Variants in ZNF385D observed in about 807,000 individuals in gnomAD.
ZNF385D encodes zinc finger protein 659.
A neutral mutation model predicts 35.8 loss-of-function variants in ZNF385D; 15 were observed. That is an observed-to-expected ratio of 0.42 (90% CI 0.28 to 0.64). ZNF385D has a LOEUF of 0.64. Among genes scored for constraint, ZNF385D ranks in the 30% least tolerant of loss-of-function variants. ZNF385D has a pLI of 0.23. For missense variants in ZNF385D, 474 were observed against 494.6 expected (o/e 0.96, Z 0.39); for synonymous variants, 212 against 186.8 (o/e 1.13, Z -1.10).
chr3:22,328,050 G>T (rs559336493), intron 2 of ZNF385D, among the ~76,000 whole-genome samples: 7 of 152,062 alleles, frequency 4.6e-5, no homozygotes, highest in Non-Finnish European at 1.0e-4. Context: ...CATTACCTAA[G>T]TCTTTTACAT....
chr3:21,943,632 A>G (rs1248581649), intron 3 of ZNF385D, among the ~76,000 whole-genome samples: 3 of 152,150 alleles, frequency 2.0e-5, no homozygotes, highest in Non-Finnish European at 4.4e-5. Flanking sequence ...TCTTTTATGT[A>G]CATAATGAAT....
At chr3:21,929,985 T>G (rs12631100) in intron 3 of ZNF385D, among the ~76,000 whole-genome samples, 15 of 151,966 alleles carry the variant, frequency 9.9e-5, no homozygotes, top group South Asian at 2.1e-4. Context: ...GGACCCAGAA[T>G]AGACAAAACA....
intron 3 of ZNF385D, chr3:21,956,992 G>C (rs111562898): frequency 3.3e-5 from 5 of 152,168 alleles, no homozygotes; most frequent in African/African-American, 1.2e-4. Flanking sequence ...GAGGGACCTG[G>C]GGGGTGTGGG....
At chr3:21,780,166 C>G (rs552910351) in intron 3 of ZNF385D, among the ~76,000 whole-genome samples, 48 of 151,972 alleles carry the variant, frequency 3.2e-4, no homozygotes, top group Non-Finnish European at 6.2e-4. Flanking sequence ...TCAACAAACC[C>G]TTACATAACA....
intron 4 of ZNF385D, among the ~76,000 whole-genome samples, chr3:21,458,187 GA>G (rs1439688221): frequency 6.6e-6 from 1 of 151,944 alleles, no homozygotes; most frequent in African/African-American, 2.4e-5. Flanking sequence ...AACAGATGAA[GA>G]GGGGCTGGGC....
intron 3 of ZNF385D, among the ~76,000 whole-genome samples, chr3:21,832,005 T>G (rs1695020619): frequency 6.6e-6 from 1 of 152,224 alleles, no homozygotes; most frequent in African/African-American, 2.4e-5. Context: ...TTTAATTAGC[T>G]TGCATACCAC....
Position 21,875,410 on chromosome 3 carries a change from T to C in ZNF385D, c.326-210382A>G, listed in dbSNP as rs539940999. 3.2e-3 allele frequency among the ~76,000 whole-genome samples: 485 copies of C among 152,178 alleles called. 3 individuals are homozygous for C. The highest frequency in any genetic ancestry group is 4.5e-3 in the Non-Finnish European group (303 of 67,990). ...CACCCATTTGCTTTGGATCCCACTTTAGTCACCCTTTTATCCTCATATCTT... is the reference window on the plus strand; with the variant it reads ...CACCCATTTGCTTTGGATCCCACTTCAGTCACCCTTTTATCCTCATATCTT... On this transcript the variant is annotated intron_variant, in intron 3 of 5. Transcript: ENST00000494108.
In ZNF385D at chr3:21,901,094, G is replaced by A. The variant is rs114925191; in HGVS notation, c.326-236066C>T. Among the ~76,000 whole-genome samples the A allele has an allele frequency of 3.7e-3, 568 of 152,272 alleles. 5 individuals carry two copies. The highest frequency in any genetic ancestry group is 0.013 in the African/African-American group (526 of 41,550). On this transcript the variant is annotated intron_variant, in intron 3 of 5. Coordinates refer to the ZNF385D transcript ENST00000494108. ...ACATTTATTGAGTAGCAAGTGCTGC[G>A]CTAAGCAAATTGGCTGCATTATTTT...
chr3:22,003,145 G>A (rs1695956576), intron 3 of ZNF385D, among the ~76,000 whole-genome samples: 1 of 152,154 alleles, frequency 6.6e-6, no homozygotes, highest in African/African-American at 2.4e-5. Flanking sequence ...CTTCTTCGCA[G>A]ATGACATAAT....
chr3:21,748,953 C>T (rs547848880), intron 1 of ZNF385D, among the ~76,000 whole-genome samples: 1 of 152,080 alleles, frequency 6.6e-6, no homozygotes, highest in Non-Finnish European at 1.5e-5. Context: ...GGTGGGCTCC[C>T]AAAGTTGTGG....
intron 2 of ZNF385D, among the ~76,000 whole-genome samples, chr3:22,272,892 G>T (rs539142779): frequency 3.3e-5 from 5 of 151,958 alleles, no homozygotes; most frequent in African/African-American, 1.2e-4. Context: ...TTACTTGTGG[G>T]TTACCTCGGG....
chr3:22,167,003 A>G (rs1370360662), intron 3 of ZNF385D, among the ~76,000 whole-genome samples: 1 of 152,238 alleles, frequency 6.6e-6, no homozygotes, highest in African/African-American at 2.4e-5. Context: ...AGACTGAAAT[A>G]TACATTTTAA....
At chr3:21,806,192 T>C (rs2072636937) in intron 3 of ZNF385D, among the ~76,000 whole-genome samples, 1 of 152,090 alleles carries the variant, frequency 6.6e-6, no homozygotes, top group Non-Finnish European at 1.5e-5. Flanking sequence ...TCCTTTCTTT[T>C]TTTTTTTAAA....
chr3:22,091,293 T>A (rs1701319280), intron 3 of ZNF385D, among the ~76,000 whole-genome samples: 3 of 152,088 alleles, frequency 2.0e-5, no homozygotes, highest in Admixed American at 2.0e-4. Context: ...ACCATAGCAC[T>A]GAGAAATTCA....
chr3:22,347,038 A>G (rs868059725), intron 2 of ZNF385D, among the ~76,000 whole-genome samples: 2 of 152,304 alleles, frequency 1.3e-5, no homozygotes, highest in Middle Eastern at 6.8e-3. Context: ...ATGTACAAAC[A>G]AAGAGTAAAA....
intron 2 of ZNF385D, among the ~76,000 whole-genome samples, chr3:22,223,548 G>A (rs1377485109): frequency 1.3e-5 from 2 of 152,090 alleles, no homozygotes; most frequent in East Asian, 1.9e-4. Context: ...TTAAATAGAG[G>A]TGGTTGAAAG....
chr3:21,694,243 C>A (rs1352175703), intron 1 of ZNF385D, among the ~76,000 whole-genome samples: 1 of 151,820 alleles, frequency 6.6e-6, no homozygotes, highest in Non-Finnish European at 1.5e-5. Flanking sequence ...CGGGGTTTCA[C>A]CGTGTTAGCC....
rs570264879 is a variant in ZNF385D at position 22,177,411 on chromosome 3, A to G, written c.107-8376T>C. 7.2e-5 allele frequency among the ~76,000 whole-genome samples: 11 copies of G among 152,270 alleles called. No homozygotes were observed. In the East Asian group the frequency reaches 1.4e-3, roughly 19 times the overall value. Reference sequence around the variant, plus strand: ...GGTGAAAAGTTATGCCAAGAAAAAAAGTAGGCACCCTACAAGTTATTAAAA... The same window carrying G: ...GGTGAAAAGTTATGCCAAGAAAAAAGGTAGGCACCCTACAAGTTATTAAAA... On this transcript the variant is annotated intron_variant, in intron 2 of 5. Transcript: ENST00000494108.
chr3:21,760,039 G>A (rs1053683686), intron 3 of ZNF385D, among the ~76,000 whole-genome samples: 7 of 152,142 alleles, frequency 4.6e-5, no homozygotes, highest in African/African-American at 1.7e-4. Context: ...CAAAATGTCT[G>A]AAATACATAA....
Sources: allele counts gnomAD v4.1 joint callset (sites outside exome capture counted in the v4.1 genomes callset), GRCh38; gene constraint gnomAD v4.1.1; transcripts MANE v1.5; gene names NCBI Gene and HGNC (gene_info 2026-07-23, HGNC 2026-07-21).